Variants in SERPINA1 observed in about 807,000 individuals in gnomAD.
SERPINA1 encodes serpin family A member 1.
In SERPINA1, 21 loss-of-function variants were observed where a neutral mutation model predicts 25.4. The ratio of observed to expected loss-of-function variants is 0.83; its 90% CI spans 0.59 to 1.19. SERPINA1 has a LOEUF of 1.19. SERPINA1 is among the 50% of genes most tolerant of loss of function. The pLI, the probability that SERPINA1 is intolerant of heterozygous loss-of-function variation, is 0.00. For missense variants in SERPINA1, 546 were observed against 509.0 expected (o/e 1.07, Z -0.70); for synonymous variants, 218 against 211.1 (o/e 1.03, Z -0.29).
chr14:94,383,108 G>A lies in SERPINA1; in HGVS notation c.130C>T (p.His44Tyr). 1 of 1,614,242 alleles carries A rather than the reference G, an allele frequency of 6.2e-7. No individual in the cohort carries two copies. Among genetic ancestry groups the A allele is most frequent in the Non-Finnish European group, 8.5e-7 (1 of 1,180,032 alleles). Residue 44 changes from histidine to tyrosine, a missense_variant, in exon 2 of 5, where the codon CAC becomes TAC. Coordinates refer to ENST00000393087, the MANE Select transcript of SERPINA1 (RefSeq NM_000295.5). ...KTDTSHHDQD[H>Y]PTFNKITPNL... ...GGGGTGATCTTGTTGAAGGTTGGGT[G>A]ATCCTGATCATGGTGGGATGTATCT... is the stretch of plus-strand genomic sequence containing the variant.
At position 94,378,571 on chromosome 14, in the gene SERPINA1, C is replaced by A; in HGVS notation, c.1135G>T (p.Ala379Ser). 1.9e-6 allele frequency: 3 copies of A among 1,614,076 alleles called. No homozygotes were observed. Among genetic ancestry groups the A allele is most frequent in the Non-Finnish European group, 2.5e-6 (3 of 1,180,004 alleles). Reference sequence around the variant, plus strand: ...TCGGGGGGGATAGACATGGGTATGGCCTCTAAAAACATGGCCCCAGCAGCT... The same window carrying A: ...TCGGGGGGGATAGACATGGGTATGGACTCTAAAAACATGGCCCCAGCAGCT... ...TEAAGAMFLEAIPMSIPPEVK... is the reference protein window; with the variant it reads ...TEAAGAMFLESIPMSIPPEVK... Residue 379 changes from alanine to serine, a missense_variant, in exon 5 of 5, where the codon GCC becomes TCC. Ala to Ser is a moderately conservative substitution (Grantham distance 99). Transcript: ENST00000393087.
chr14:94,388,094 C>T (rs752314920), intron 1 of SERPINA1, among the ~76,000 whole-genome samples: 1 of 152,120 alleles, frequency 6.6e-6, no homozygotes, highest in Admixed American at 6.5e-5. Context: ...GGACCTTAAC[C>T]TCCTCATCTA....
chr14:94,387,397 C>A (rs1332129812), intron 1 of SERPINA1, among the ~76,000 whole-genome samples: 2 of 152,212 alleles, frequency 1.3e-5, no homozygotes, highest in African/African-American at 4.8e-5. Context: ...TGCTGCAGGT[C>A]TTTTAGAGGC....
At chr14:94,389,368 C>G (rs146071130), upstream of SERPINA1, among the ~76,000 whole-genome samples, 1 of 152,340 alleles carries the variant, frequency 6.6e-6, no homozygotes, top group African/African-American at 2.4e-5. Flanking sequence ...ACAGTAGGCT[C>G]TTTATGTGGG....
intron 3 of SERPINA1, among the ~76,000 whole-genome samples, chr14:94,380,288 G>A (rs1246441785): frequency 5.9e-5 from 9 of 152,366 alleles, no homozygotes; most frequent in East Asian, 5.8e-4. Context: ...GCATAATCAC[G>A]AATGCACACA....
intron 3 of SERPINA1, 53 bp downstream of exon 3, chr14:94,380,818 C>A: frequency 6.2e-7 from 1 of 1,613,042 alleles, no homozygotes; most frequent in Non-Finnish European, 8.5e-7. Context: ...TCAGTCCCAA[C>A]ATGGCTAAGA....
intron 1 of SERPINA1, among the ~76,000 whole-genome samples, chr14:94,384,378 G>A (rs757766400): frequency 6.6e-6 from 1 of 152,160 alleles, no homozygotes; most frequent in Non-Finnish European, 1.5e-5. Flanking sequence ...GGAGGGGTTG[G>A]CAGGTGTTGC....
At chr14:94,381,697 G>C (rs957621606) in intron 2 of SERPINA1, among the ~76,000 whole-genome samples, 4 of 152,324 alleles carry the variant, frequency 2.6e-5, no homozygotes, top group Admixed American at 1.3e-4. Flanking sequence ...GGGCCTCAGG[G>C]ACCCCTGATC....
At position 94,378,517 on chromosome 14, in the gene SERPINA1, A is replaced by G; in HGVS notation, c.1189T>C (p.Leu397=). 6.2e-7 allele frequency: 1 copy of G among 1,614,072 alleles called. No individual in the cohort carries two copies. The highest frequency in any genetic ancestry group is 8.5e-7 in the Non-Finnish European group (1 of 1,179,998). Residue 397 remains leucine (L), a synonymous_variant, in exon 5 of 5, where the codon TTA becomes CTA. Transcript: ENST00000393087. ...EVKFNKPFVF[L]MIEQNTKSPL... is the part of the protein sequence containing the mutation. ...GACTTGGTATTTTGTTCAATCATTA[A>G]GAAGACAAAGGGTTTGTTGAACTTG...
intron 1 of SERPINA1, 85 bp from the exon 2 acceptor site, chr14:94,383,326 T>A: frequency 6.9e-7 from 1 of 1,443,726 alleles, no homozygotes. Context: ...CACGTGGAAG[T>A]GCCTAGGGAT....
chr14:94,386,460 G>A (rs1897293690), intron 1 of SERPINA1, among the ~76,000 whole-genome samples: 1 of 152,222 alleles, frequency 6.6e-6, no homozygotes, highest in South Asian at 2.1e-4. Context: ...AAACCCAAGT[G>A]TGACCAGGCC....
intron 3 of SERPINA1, 104 bp downstream of exon 3, chr14:94,380,767 G>C (rs1330396790): frequency 2.8e-6 from 4 of 1,443,572 alleles, no homozygotes; most frequent in East Asian, 4.5e-5. Flanking sequence ...CAGGGATGTG[G>C]GGTTCACCCT....
chr14:94,378,266 G>T lies in SERPINA1; in HGVS notation c.*183C>A. ...CAGATGCTCCATGAACACAGTTCAG[G>T]GGGCCCGAAGACAGCACTGTTACCT... On this transcript the variant is annotated 3_prime_UTR_variant, in exon 5 of 5. Coordinates refer to ENST00000393087, the MANE Select transcript of SERPINA1 (RefSeq NM_000295.5). 1 of 628,658 alleles carries T rather than the reference G, an allele frequency of 1.6e-6. No homozygotes were observed. The highest frequency in any genetic ancestry group is 1.9e-5 in the South Asian group (1 of 52,106). The allele number at this position is 628,658 out of a possible 1,614,324, so 38.9% of individuals were successfully genotyped here.
Position 94,378,618 on chromosome 14 carries a change from G to T in SERPINA1, c.1088C>A (p.Thr363Asn). The change falls in exon 5 of 5, where the codon ACC (threonine) becomes AAC (asparagine). Residue 363 changes from threonine (T) to asparagine (N), a missense_variant. Coordinates refer to ENST00000393087, the MANE Select transcript of SERPINA1 (RefSeq NM_000295.5). ...AGCTTCAGTCCCTTTCTCGTCGATG[G>T]TCAGCACAGCCTTATGCACGGCCTG... Reference protein sequence around the residue: ...LSKAVHKAVLTIDEKGTEAAG... With the variant: ...LSKAVHKAVLNIDEKGTEAAG... The T allele has an allele frequency of 1.2e-6, 2 of 1,614,172 alleles. No individual in the cohort carries two copies. Among genetic ancestry groups the T allele is most frequent in the African/African-American group, 2.7e-5 (2 of 75,038 alleles).
chr14:94,384,926 G>A (rs1476596206), intron 1 of SERPINA1, among the ~76,000 whole-genome samples: 1 of 152,146 alleles, frequency 6.6e-6, no homozygotes, highest in Non-Finnish European at 1.5e-5. Context: ...TAATCCAAAT[G>A]GAACAGACCA....
intron 3 of SERPINA1, among the ~76,000 whole-genome samples, chr14:94,380,421 C>T (rs188067263): frequency 6.6e-4 from 101 of 152,330 alleles, no homozygotes; most frequent in African/African-American, 2.9e-4. Flanking sequence ...GTTCCAATTC[C>T]GAACCTTGCT....
intron 2 of SERPINA1, among the ~76,000 whole-genome samples, chr14:94,382,391 G>C (rs1349971486): frequency 6.6e-6 from 1 of 152,202 alleles, no homozygotes; most frequent in Non-Finnish European, 1.5e-5. Context: ...CAGTAGTTTT[G>C]ACAGTTTAAT....
intron 4 of SERPINA1, chr14:94,379,077 C>T: frequency 1.8e-6 from 1 of 553,312 alleles, no homozygotes; most frequent in Non-Finnish European, 3.2e-6. Context: ...TCATCTTTAG[C>T]TGAAATCATT....
intron 1 of SERPINA1, among the ~76,000 whole-genome samples, chr14:94,387,072 C>T (rs1047564480): frequency 2.0e-5 from 3 of 152,218 alleles, no homozygotes; most frequent in Admixed American, 6.5e-5. Flanking sequence ...CAAAACCTGA[C>T]ATTGAATCAT....
Sources: gnomAD v4.1 joint callset for allele counts (sites outside exome capture counted in the v4.1 genomes callset) on GRCh38, gnomAD v4.1.1 for gene constraint, MANE v1.5 for transcripts, NCBI Gene and HGNC (gene_info 2026-07-23, HGNC 2026-07-21) for gene names.